RASSF6: variants seen among roughly 807,000 people sequenced by gnomAD.
RASSF6 encodes ras association domain-containing protein 6.
RASSF6 carries 52 observed loss-of-function variants against 44.0 expected under a neutral mutation model. The observed-to-expected ratio is 1.18, with a 90% CI of 0.95 to 1.49. RASSF6 has a LOEUF of 1.49. RASSF6 is among the 40% of genes most tolerant of loss of function. RASSF6 has a pLI of 0.00. For synonymous variants in RASSF6, 162 were observed against 124.6 expected, an observed-to-expected ratio of 1.30 and a Z score of -2.00; for missense variants, 464 against 393.3, an observed-to-expected ratio of 1.18 and a Z score of -1.52.
chr4:73,593,523 A>G lies in RASSF6; in HGVS notation c.215T>C (p.Leu72Pro), dbSNP rs1218806954. 1 of 1,613,800 alleles carries G rather than the reference A, an allele frequency of 6.2e-7. No homozygotes were observed. The highest frequency in any genetic ancestry group is 1.3e-5 in the African/African-American group (1 of 75,038). Residue 72 changes from leucine to proline, a missense_variant, in exon 4 of 11, where the codon CTA becomes CCA. Leu to Pro is a moderately conservative substitution (Grantham distance 98). Coordinates refer to ENST00000307439, the MANE Select transcript of RASSF6 (RefSeq NM_177532.5). ...GAATGGCTTCTCATCTTGTATTTTTAGCTGTATAGGTCGTTTTACTCCCCA... is the reference window on the plus strand; with the variant it reads ...GAATGGCTTCTCATCTTGTATTTTTGGCTGTATAGGTCGTTTTACTCCCCA... ...IFWGVKRPIQ[L>P]KIQDEKPFSS... is the part of the protein sequence containing the mutation.
Position 73,575,517 on chromosome 4 carries a change from G to A in RASSF6, c.*718C>T, listed in dbSNP as rs2149359945. The A allele has an allele frequency of 6.6e-6, 1 of 151,392 alleles. No homozygotes were observed. The highest frequency in any genetic ancestry group is 2.4e-5 in the African/African-American group (1 of 41,316). 9.4% of individuals were successfully genotyped at this position (151,392 alleles called of 1,614,324 possible). A position where few individuals can be genotyped will look rare whatever the true frequency, so the allele number is the denominator to read the frequency against. On this transcript the variant is annotated 3_prime_UTR_variant, in exon 11 of 11. Transcript: ENST00000307439. ...GTCTATGTGATATAAACATTTTTTT[G>A]AAAAATAAATAAAGAAAAAGTTCAA...
In RASSF6 at chr4:73,620,388, G is replaced by C; in HGVS notation, c.-135C>G. On this transcript the variant is annotated 5_prime_UTR_variant, in exon 1 of 11. Coordinates refer to ENST00000307439, the MANE Select transcript of RASSF6 (RefSeq NM_177532.5). ...CGGCTGGGTCAGGAACTCTGGTAGA[G>C]GGAAACCAGTGCCCTGTCTCTGCCG... 6.5e-7 allele frequency: 1 copy of C among 1,532,580 alleles called. No individual in the cohort carries two copies. The highest frequency in any genetic ancestry group is 1.4e-5 in the African/African-American group (1 of 71,814). 94.9% of individuals were successfully genotyped at this position (1,532,580 alleles called of 1,614,324 possible).
Position 73,593,438 on chromosome 4 carries a change from A to C in RASSF6, c.287+13T>G. Reference sequence around the variant, plus strand: ...CATCTTCTGAGGAATTAAAAACATGAAAGATAGCTTACCCTTTGCTGGAGA... The same window carrying C: ...CATCTTCTGAGGAATTAAAAACATGCAAGATAGCTTACCCTTTGCTGGAGA... On this transcript the variant is annotated intron_variant, in intron 4 of 10. Transcript: ENST00000307439. The C allele has an allele frequency of 6.3e-7, 1 of 1,592,268 alleles. No individual in the cohort carries two copies. The highest frequency in any genetic ancestry group is 8.5e-7 in the Non-Finnish European group (1 of 1,172,452).
rs1722984802 is a variant in RASSF6 at position 73,572,821 on chromosome 4, C to T, written c.*3414G>A. On this transcript the variant is annotated 3_prime_UTR_variant, in exon 11 of 11. Coordinates refer to ENST00000307439, the MANE Select transcript of RASSF6 (RefSeq NM_177532.5). Reference sequence around the variant, plus strand: ...AATATAAACTATAGAACACTTAATACAGATAGGGAAGTTAGAAAAACATGA... The same window carrying T: ...AATATAAACTATAGAACACTTAATATAGATAGGGAAGTTAGAAAAACATGA... The T allele has an allele frequency of 1.3e-5, 2 of 152,062 alleles. No individual in the cohort carries two copies. The highest frequency in any genetic ancestry group is 2.9e-5 in the Non-Finnish European group (2 of 67,986). The allele number at this position is 152,062 out of a possible 1,614,324, so 9.4% of individuals were successfully genotyped here.
chr4:73,577,534 G>A (rs1723316688), intron 8 of RASSF6, among the ~76,000 whole-genome samples: 1 of 152,022 alleles, frequency 6.6e-6, no homozygotes, highest in African/African-American at 2.4e-5. Flanking sequence ...TCCCTGAGCT[G>A]GACTTATCCC....
chr4:73,578,029 T>TTTTCTTTATTTCTGCTCCCTAAAGG (rs148066158), intron 8 of RASSF6, among the ~76,000 whole-genome samples: 2 of 151,908 alleles, frequency 1.3e-5, no homozygotes, highest in Admixed American at 6.6e-5. Context: ...TGCTCTCTTC[T>TTTTCTTTATTTCTGCTCCCTAAAGG]GACCTAGTTA....
chr4:73,619,397 A>G (rs1458542519), intron 1 of RASSF6, among the ~76,000 whole-genome samples: 1 of 152,158 alleles, frequency 6.6e-6, no homozygotes, highest in East Asian at 1.9e-4. Context: ...CCTGTCCTGG[A>G]TCCAGTCTCC....
chr4:73,583,413 A>T (rs1723822790), intron 6 of RASSF6, among the ~76,000 whole-genome samples: 1 of 152,166 alleles, frequency 6.6e-6, no homozygotes, highest in Non-Finnish European at 1.5e-5. Context: ...ATTGATAGAA[A>T]TATACTACTG....
chr4:73,597,266 A>G (rs915417281), intron 3 of RASSF6, among the ~76,000 whole-genome samples: 2 of 152,226 alleles, frequency 1.3e-5, no homozygotes, highest in Admixed American at 1.3e-4. Flanking sequence ...GAACTTAGAC[A>G]AATTTACAAG....
chr4:73,586,752 C>A (rs1528916), intron 5 of RASSF6, among the ~76,000 whole-genome samples: 42,150 of 151,370 alleles, frequency 0.28, 6,095 homozygotes, highest in Admixed American at 0.41. Context: ...CCTTGGGTTT[C>A]ATATATATTT....
At position 73,581,753 on chromosome 4, in the gene RASSF6, T is replaced by TC. The variant is rs1723663384; in HGVS notation, c.721+63dup. The TC allele has an allele frequency of 4.7e-6, 5 of 1,061,926 alleles. No homozygotes were observed. In the South Asian group the frequency reaches 5.6e-5, roughly 12 times the overall value. The allele number at this position is 1,061,926 out of a possible 1,614,324, so 65.8% of individuals were successfully genotyped here. A position where few individuals can be genotyped will look rare whatever the true frequency, so the allele number is the denominator to read the frequency against. ...AATGAGGCAAACTGTTCTTCTGCCT[T>TC]CCCCCTGGGCAGCAAACTGTAGCAC... On this transcript the variant is annotated intron_variant, in intron 8 of 10. Transcript: ENST00000307439.
intron 2 of RASSF6, among the ~76,000 whole-genome samples, chr4:73,599,043 C>A (rs1173107048): frequency 6.6e-6 from 1 of 152,150 alleles, no homozygotes; most frequent in African/African-American, 2.4e-5. Flanking sequence ...ACATTTTTAA[C>A]CAACCTAAAT....
In RASSF6 at chr4:73,598,669, G is replaced by T. The variant is rs145319675; in HGVS notation, c.115C>A (p.Gln39Lys). 1.8e-4 allele frequency: 271 copies of T among 1,534,694 alleles called. No individual in the cohort carries two copies. In the Middle Eastern group the frequency reaches 6.9e-3, roughly 39 times the overall value. ...CCATATAAAATATGCAGATTTTTCT[G>T]GTTCTCATAAAAAATGTTATAGGTC... ...LKTYNIFYEN[Q>K]KNLHILYGET... The change falls in exon 3 of 11, where the codon CAG (glutamine) becomes AAG (lysine). Residue 39 changes from glutamine (Q) to lysine (K), a missense_variant. Physicochemically the swap from Gln to Lys is moderately conservative, Grantham distance 53 (BLOSUM62 1). Transcript: ENST00000307439.
At chr4:73,604,495 A>C (rs1436883384) in intron 2 of RASSF6, 1 of 152,370 alleles carries the variant, frequency 6.6e-6, no homozygotes, top group Non-Finnish European at 1.5e-5. Flanking sequence ...AAAACAAAAC[A>C]AAACAAAGCA....
chr4:73,579,564 A>T lies in RASSF6; in HGVS notation c.721+2253T>A, dbSNP rs978504364. ...CTGAATTTAAGACTTTTCTAAAACTATTTAACTGGTTATTATGGTTTTTCC... is the reference window on the plus strand; with the variant it reads ...CTGAATTTAAGACTTTTCTAAAACTTTTTAACTGGTTATTATGGTTTTTCC... On this transcript the variant is annotated intron_variant, in intron 8 of 10. Coordinates refer to ENST00000307439, the MANE Select transcript of RASSF6 (RefSeq NM_177532.5). 3.3e-5 allele frequency among the ~76,000 whole-genome samples: 5 copies of T among 152,078 alleles called. No homozygotes were observed. In the East Asian group the frequency reaches 9.6e-4, roughly 29 times the overall value.
At chr4:73,579,588 C>T (rs1367665825) in intron 8 of RASSF6, among the ~76,000 whole-genome samples, 1 of 151,888 alleles carries the variant, frequency 6.6e-6, no homozygotes, top group Non-Finnish European at 1.5e-5. Context: ...TATGGTTTTT[C>T]CTTTCAATTG....
At chr4:73,594,202 T>C (rs1463736059) in intron 3 of RASSF6, among the ~76,000 whole-genome samples, 3 of 152,254 alleles carry the variant, frequency 2.0e-5, no homozygotes, top group Non-Finnish European at 4.4e-5. Context: ...GTGGAAAGTT[T>C]TGAATTAAAG....
In RASSF6 at chr4:73,575,152, T is replaced by C. The variant is rs1723129727; in HGVS notation, c.*1083A>G. ...GCATATAATCTCATTCCTTAGTACA[T>C]GTAATATGATCAATTTACTACAATG... On this transcript the variant is annotated 3_prime_UTR_variant, in exon 11 of 11. Coordinates refer to ENST00000307439, the MANE Select transcript of RASSF6 (RefSeq NM_177532.5). 1.3e-5 allele frequency: 2 copies of C among 152,196 alleles called. No individual in the cohort carries two copies. Among genetic ancestry groups the C allele is most frequent in the South Asian group, 2.1e-4 (1 of 4,830 alleles). 9.4% of individuals were successfully genotyped at this position (152,196 alleles called of 1,614,324 possible). A position where few individuals can be genotyped will look rare whatever the true frequency, so the allele number is the denominator to read the frequency against.
chr4:73,592,696 T>C (rs183003415), intron 4 of RASSF6, among the ~76,000 whole-genome samples: 2 of 152,344 alleles, frequency 1.3e-5, no homozygotes, highest in East Asian at 1.9e-4. Flanking sequence ...GACAATCAGA[T>C]GGAACATCAT....
Sources: allele counts gnomAD v4.1 joint callset (sites outside exome capture counted in the v4.1 genomes callset), GRCh38; gene constraint gnomAD v4.1.1; transcripts MANE v1.5; gene names NCBI Gene and HGNC (gene_info 2026-07-23, HGNC 2026-07-21).